Variants in CLSTN2 observed in about 807,000 individuals in gnomAD.
CLSTN2 encodes calsyntenin 2.
A neutral mutation model predicts 101.2 loss-of-function variants in CLSTN2; 48 were observed. The observed-to-expected ratio is 0.47, with a 90% CI of 0.38 to 0.60. The LOEUF (loss-of-function observed/expected upper bound fraction) is 0.60, where lower values mean the gene tolerates loss of function less well. Ranked by LOEUF, CLSTN2 falls within the 20% of genes least tolerant of loss-of-function variation. CLSTN2 has a pLI of 0.00. For synonymous variants in CLSTN2, 481 were observed against 463.6 expected (o/e 1.04, Z -0.48); for missense variants, 1,160 against 1,238.2 (o/e 0.94, Z 0.95).
chr3:140,222,880 A>AAC (rs1289142868), intron 2 of CLSTN2, among the ~76,000 whole-genome samples: 1 of 151,250 alleles, frequency 6.6e-6, no homozygotes, highest in Non-Finnish European at 1.5e-5. Context: ...TTAAGAAAAA[A>AAC]AAAAAAAACA....
intron 1 of CLSTN2, among the ~76,000 whole-genome samples, chr3:139,981,375 G>T (rs1243982954): frequency 6.6e-6 from 1 of 152,212 alleles, no homozygotes; most frequent in Non-Finnish European, 1.5e-5. Context: ...GGACAAGAAT[G>T]AACCACATAA....
chr3:140,333,083 T>C (rs181781401), intron 2 of CLSTN2, among the ~76,000 whole-genome samples: 55 of 152,264 alleles, frequency 3.6e-4, no homozygotes, highest in Non-Finnish European at 6.3e-4. Context: ...CTTGACTGAG[T>C]AGGACCCCAG....
At chr3:140,357,409 CCA>C (rs1186744171) in intron 2 of CLSTN2, among the ~76,000 whole-genome samples, 1 of 152,168 alleles carries the variant, frequency 6.6e-6, no homozygotes, top group African/African-American at 2.4e-5. Context: ...AGAGCCACAT[CCA>C]CAGACACCCC....
chr3:140,532,161 G>A (rs1935268338), intron 8 of CLSTN2, among the ~76,000 whole-genome samples, 163 bp from the exon 9 acceptor site: 1 of 152,176 alleles, frequency 6.6e-6, no homozygotes, highest in South Asian at 2.1e-4. Context: ...TTGATGACAA[G>A]CTTCTATAAC....
At chr3:140,192,527 G>A (rs777285379) in intron 2 of CLSTN2, among the ~76,000 whole-genome samples, 2 of 151,574 alleles carry the variant, frequency 1.3e-5, no homozygotes, top group Non-Finnish European at 3.0e-5. Context: ...TTGTGAAGTG[G>A]CCCTTTAATC....
At chr3:140,369,865 C>T (rs891490871) in intron 2 of CLSTN2, among the ~76,000 whole-genome samples, 1 of 152,226 alleles carries the variant, frequency 6.6e-6, no homozygotes, top group Non-Finnish European at 1.5e-5. Context: ...CCACCCAAAG[C>T]AGCCAGTAGG....
At chr3:140,202,117 G>C (rs1559805169) in intron 2 of CLSTN2, among the ~76,000 whole-genome samples, 1 of 152,170 alleles carries the variant, frequency 6.6e-6, no homozygotes, top group African/African-American at 2.4e-5. Context: ...GCCATGGTCA[G>C]AACATAGGCT....
chr3:140,404,815 G>A (rs376407632), intron 4 of CLSTN2, 49 bp downstream of exon 4: 300 of 1,498,590 alleles, frequency 2.0e-4, no homozygotes, highest in Admixed American at 9.7e-4. Context: ...CAAATCCATC[G>A]CCTCCACTCT....
At chr3:139,939,263 C>T (rs1485169384) in intron 1 of CLSTN2, among the ~76,000 whole-genome samples, 3 of 152,200 alleles carry the variant, frequency 2.0e-5, no homozygotes, top group Non-Finnish European at 4.4e-5. Context: ...AATCCCATTA[C>T]ATGGGCAATC....
chr3:140,332,292 T>C (rs181409829), intron 2 of CLSTN2, among the ~76,000 whole-genome samples: 1 of 152,202 alleles, frequency 6.6e-6, no homozygotes, highest in Non-Finnish European at 1.5e-5. Flanking sequence ...CTGTTTAATG[T>C]TCTTGCGTTA....
chr3:140,549,832 G>A lies in CLSTN2; in HGVS notation c.1674+3151G>A, dbSNP rs1468422797. On this transcript the variant is annotated intron_variant, in intron 10 of 16. Transcript: ENST00000458420. ...GAATTGAGGCCCTTTTGTGATTAAG[G>A]AAATTCTCTATCTGCTCACAGGGAC... Among the ~76,000 whole-genome samples the A allele has an allele frequency of 8.6e-5, 13 of 150,664 alleles. 1 individual carries two copies. Among genetic ancestry groups the A allele is most frequent in the South Asian group, 6.3e-4 (3 of 4,744 alleles).
rs115494510 is a variant in CLSTN2, at chr3:140,377,789, G to A, written c.233-25840G>A. On this transcript the variant is annotated intron_variant, in intron 2 of 16. Coordinates refer to ENST00000458420, the MANE Select transcript of CLSTN2 (RefSeq NM_022131.3). ...TATTCAAGAAAGAAAAATATGTTTA[G>A]CACATTTAGTGTAGCCTAAATGTGC... 3.9e-3 allele frequency among the ~76,000 whole-genome samples: 595 copies of A among 152,198 alleles called. 4 individuals carry two copies. Among genetic ancestry groups the A allele is most frequent in the African/African-American group, 0.014 (562 of 41,526 alleles).
At chr3:140,000,278 G>T (rs1225292421) in intron 1 of CLSTN2, among the ~76,000 whole-genome samples, 1 of 152,200 alleles carries the variant, frequency 6.6e-6, no homozygotes, top group Admixed American at 6.5e-5. Flanking sequence ...AATTGACAGA[G>T]AACCTTGTTA....
intron 2 of CLSTN2, among the ~76,000 whole-genome samples, chr3:140,306,670 G>T (rs577480519): frequency 6.6e-6 from 1 of 152,100 alleles, no homozygotes; most frequent in African/African-American, 2.4e-5. Flanking sequence ...GGTCATTCAC[G>T]CTGTGTGTTC....
intron 2 of CLSTN2, among the ~76,000 whole-genome samples, chr3:140,308,799 G>T (rs2087137672): frequency 6.6e-6 from 1 of 152,194 alleles, no homozygotes. Flanking sequence ...AGTATTCTGA[G>T]AAAACTGCCA....
chr3:140,207,208 G>A (rs555546329), intron 2 of CLSTN2, among the ~76,000 whole-genome samples: 1 of 152,314 alleles, frequency 6.6e-6, no homozygotes. Flanking sequence ...TGCTTTGAGA[G>A]TAGGCCCATG....
At chr3:140,500,938 T>C (rs1428930609) in intron 8 of CLSTN2, among the ~76,000 whole-genome samples, 1 of 152,202 alleles carries the variant, frequency 6.6e-6, no homozygotes, top group Non-Finnish European at 1.5e-5. Context: ...AAATAAATAA[T>C]ACCTCAATTA....
chr3:140,344,044 A>G (rs1313672816), intron 2 of CLSTN2, among the ~76,000 whole-genome samples: 1 of 152,170 alleles, frequency 6.6e-6, no homozygotes, highest in Non-Finnish European at 1.5e-5. Flanking sequence ...CCAGTTGGCT[A>G]TAATTGGCAG....
chr3:140,521,967 A>T (rs1317819255), intron 8 of CLSTN2, among the ~76,000 whole-genome samples: 2 of 152,098 alleles, frequency 1.3e-5, no homozygotes, highest in African/African-American at 4.8e-5. Context: ...GGGCCAGCAA[A>T]ACTGGGTCTC....
Sources: allele counts gnomAD v4.1 joint callset (sites outside exome capture counted in the v4.1 genomes callset), GRCh38; gene constraint gnomAD v4.1.1; transcripts MANE v1.5; gene names NCBI Gene and HGNC (gene_info 2026-07-23, HGNC 2026-07-21).